Variants in MCMDC2 observed in about 807,000 individuals in gnomAD.
MCMDC2 encodes minichromosome maintenance domain-containing protein 2.
MCMDC2 carries 54 observed loss-of-function variants against 75.8 expected under a neutral mutation model. The observed-to-expected ratio is 0.71, with a 90% CI of 0.57 to 0.89. The LOEUF is 0.89. Ranked by LOEUF, MCMDC2 falls within the 40% of genes least tolerant of loss-of-function variation. The pLI, the probability that MCMDC2 is intolerant of heterozygous loss-of-function variation, is 0.00. For synonymous variants in MCMDC2, 249 were observed against 274.6 expected, an observed-to-expected ratio of 0.91 and a Z score of 0.92; for missense variants, 656 against 780.4, an observed-to-expected ratio of 0.84 and a Z score of 1.90.
In MCMDC2 at chr8:66,874,450, T is replaced by C; in HGVS notation, c.219T>C (p.Phe73=). The C allele has an allele frequency of 6.2e-7, 1 of 1,612,806 alleles. No homozygotes were observed. The highest frequency in any genetic ancestry group is 8.5e-7 in the Non-Finnish European group (1 of 1,179,742). Residue 73 remains phenylalanine (F), a synonymous_variant, in exon 3 of 15, where the codon TTT becomes TTC. Transcript: ENST00000422365. ...LHQPLKAAEV[F]QSVCFIAVKT... is the part of the protein sequence containing the mutation. ...AACCTTTAAAAGCTGCTGAAGTCTT[T>C]CAATCAGTAAGTCAAAAAAAGAAAT... is the stretch of plus-strand genomic sequence containing the variant.
chr8:66,909,118 C>T (rs1268640633), intron 14 of MCMDC2, among the ~76,000 whole-genome samples: 1 of 152,168 alleles, frequency 6.6e-6, no homozygotes, highest in Non-Finnish European at 1.5e-5. Flanking sequence ...TATAAGGGCT[C>T]TTCCCCCTTC....
rs183039743 is a variant in MCMDC2, at chr8:66,901,630, T to C, written c.1769+282T>C. The C allele has an allele frequency of 1.1e-5, 12 of 1,088,734 alleles. No homozygotes were observed. The African/African-American group carries it at 2.0e-4, about 18-fold the overall frequency. 67.4% of individuals were successfully genotyped at this position (1,088,734 alleles called of 1,614,324 possible). A position where few individuals can be genotyped will look rare whatever the true frequency, so the allele number is the denominator to read the frequency against. ...CACTGATTTCAAATGCAAATCCTTG[T>C]TTTTAAAAATGTGGCTGTTGGGCGG... On this transcript the variant is annotated intron_variant, in intron 13 of 14. Coordinates refer to ENST00000422365, the MANE Select transcript of MCMDC2 (RefSeq NM_173518.5).
At chr8:66,892,362 G>A (rs1429079091) in intron 10 of MCMDC2, among the ~76,000 whole-genome samples, 2 of 152,220 alleles carry the variant, frequency 1.3e-5, no homozygotes, top group South Asian at 4.1e-4. Flanking sequence ...CCTGCCAGGA[G>A]AATGTCATGG....
Position 66,874,049 on chromosome 8 carries a change from C to T in MCMDC2, c.-88-4C>T. Reference sequence around the variant, plus strand: ...TTCAAAAATAAAATTAATTTTATTTCTAGGTTTTCACATCCTTTCTATGAG... The same window carrying T: ...TTCAAAAATAAAATTAATTTTATTTTTAGGTTTTCACATCCTTTCTATGAG... On this transcript the variant is annotated splice_region_variant and splice_polypyrimidine_tract_variant and intron_variant, in intron 1 of 14. Transcript: ENST00000422365. The T allele has an allele frequency of 1.3e-6, 1 of 790,002 alleles. No individual in the cohort carries two copies. Among genetic ancestry groups the T allele is most frequent in the Non-Finnish European group, 1.9e-6 (1 of 523,474 alleles). The allele number at this position is 790,002 out of a possible 1,614,324, so 48.9% of individuals were successfully genotyped here.
chr8:66,880,875 G>A lies in MCMDC2; in HGVS notation c.736G>A (p.Gly246Arg). ...RDESVNKMNI[G>R]NEYKIIGIPT... ...TGAATCAGTGAATAAAATGAATATA[G>A]GAAATGAATATAAAATTATTGGAAT... The change falls in exon 8 of 15, where the codon GGA becomes AGA. Residue 246 changes from glycine to arginine, a missense_variant. Physicochemically the swap from Gly to Arg is moderately radical, Grantham distance 125. Transcript: ENST00000422365. The A allele has an allele frequency of 1.3e-6, 2 of 1,557,484 alleles. No homozygotes were observed. The highest frequency in any genetic ancestry group is 2.5e-5 in the South Asian group (2 of 79,806).
intron 4 of MCMDC2, among the ~76,000 whole-genome samples, chr8:66,875,799 T>C (rs1811255258): frequency 6.6e-6 from 1 of 152,166 alleles, no homozygotes; most frequent in Admixed American, 6.5e-5. Flanking sequence ...CCATTTCCTC[T>C]CCCTCCCTTT....
intron 12 of MCMDC2, among the ~76,000 whole-genome samples, chr8:66,900,364 A>G (rs1812597151): frequency 6.6e-6 from 1 of 151,946 alleles, no homozygotes; most frequent in Non-Finnish European, 1.5e-5. Context: ...CTTGAACCCC[A>G]GAGGCTGAGG....
At chr8:66,875,073 A>G (rs997613373) in intron 4 of MCMDC2, among the ~76,000 whole-genome samples, 29 of 152,010 alleles carry the variant, frequency 1.9e-4, no homozygotes. Flanking sequence ...CACTTTTATA[A>G]TAAAACTTTT....
chr8:66,871,096 C>G (rs1810993798), intron 1 of MCMDC2, among the ~76,000 whole-genome samples: 4 of 152,202 alleles, frequency 2.6e-5, no homozygotes, highest in Admixed American at 2.6e-4. Flanking sequence ...TGTTCCCTCA[C>G]TTAACGCTTT....
intron 9 of MCMDC2, among the ~76,000 whole-genome samples, chr8:66,889,523 C>T (rs1811999459): frequency 6.6e-6 from 1 of 152,096 alleles, no homozygotes; most frequent in Admixed American, 6.6e-5. Flanking sequence ...TGGCTGGACA[C>T]AGTGGCTCAA....
intron 5 of MCMDC2, 124 bp from the exon 6 acceptor site, chr8:66,878,450 C>G: frequency 1.1e-6 from 1 of 885,694 alleles, no homozygotes; most frequent in East Asian, 3.1e-5. Context: ...TAGCTACAAT[C>G]TGTGTCAGTA....
In MCMDC2 at chr8:66,901,394, T is replaced by G. The variant is rs374700771; in HGVS notation, c.1769+46T>G. 42 of 1,576,158 alleles carry G rather than the reference T, an allele frequency of 2.7e-5. No individual in the cohort carries two copies. The African/African-American group carries it at 4.9e-4, about 18-fold the overall frequency. On this transcript the variant is annotated intron_variant, in intron 13 of 14. Coordinates refer to ENST00000422365, the MANE Select transcript of MCMDC2 (RefSeq NM_173518.5). ...TTTAAAATCAGCATTGAGTTTCAAA[T>G]GATATGTTTAATTAAATTGCTAATT...
At chr8:66,899,494 G>A (rs1812529486) in intron 12 of MCMDC2, among the ~76,000 whole-genome samples, 1 of 152,096 alleles carries the variant, frequency 6.6e-6, no homozygotes, top group Non-Finnish European at 1.5e-5. Context: ...TCTAGGACAT[G>A]TCTCTATGCT....
chr8:66,882,597 C>T (rs182250669), intron 8 of MCMDC2, among the ~76,000 whole-genome samples: 207 of 152,240 alleles, frequency 1.4e-3, no homozygotes, highest in Non-Finnish European at 2.6e-3. Flanking sequence ...AACTCCTGAC[C>T]TCATGATCCG....
In MCMDC2 at chr8:66,897,013, T is replaced by G. The variant is rs940246756; in HGVS notation, c.1626+54T>G. Reference sequence around the variant, plus strand: ...ATGCCTGTGCTAATGTTTCTCAAATTATATAGAAGTCCTTTTGAGTGCTGG... The same window carrying G: ...ATGCCTGTGCTAATGTTTCTCAAATGATATAGAAGTCCTTTTGAGTGCTGG... On this transcript the variant is annotated intron_variant, in intron 12 of 14. Coordinates refer to ENST00000422365, the MANE Select transcript of MCMDC2 (RefSeq NM_173518.5). The G allele has an allele frequency of 5.1e-5, 75 of 1,466,976 alleles. No homozygotes were observed. The African/African-American group carries it at 1.0e-3, about 20-fold the overall frequency. 90.9% of individuals were successfully genotyped at this position (1,466,976 alleles called of 1,614,324 possible).
At chr8:66,898,299 T>A (rs1261957667) in intron 12 of MCMDC2, among the ~76,000 whole-genome samples, 1 of 152,116 alleles carries the variant, frequency 6.6e-6, no homozygotes, top group Non-Finnish European at 1.5e-5. Context: ...ATATATAAAC[T>A]TTCTCTTTAG....
chr8:66,874,380 A>C lies in MCMDC2; in HGVS notation c.149A>C (p.Asp50Ala), dbSNP rs1388483906. 3.1e-6 allele frequency: 5 copies of C among 1,613,758 alleles called. No homozygotes were observed. The highest frequency in any genetic ancestry group is 3.4e-6 in the Non-Finnish European group (4 of 1,179,858). ...TTCAAAATTTTAATAAATCCCTCTGATGTTGTTGAATTAGATGCTGAGCTT... is the reference window on the plus strand; with the variant it reads ...TTCAAAATTTTAATAAATCCCTCTGCTGTTGTTGAATTAGATGCTGAGCTT... Reference protein sequence around the residue: ...YRFKILINPSDVVELDAELGN... With the variant: ...YRFKILINPSAVVELDAELGN... The change falls in exon 3 of 15, where the codon GAT becomes GCT. Residue 50 changes from aspartate (D) to alanine (A), a missense_variant. Asp to Ala is a moderately radical substitution (Grantham distance 126). Coordinates refer to ENST00000422365, the MANE Select transcript of MCMDC2 (RefSeq NM_173518.5).
intron 9 of MCMDC2, among the ~76,000 whole-genome samples, chr8:66,888,369 A>C (rs1277144888): frequency 6.6e-6 from 1 of 152,216 alleles, no homozygotes; most frequent in Admixed American, 6.5e-5. Flanking sequence ...GATGTGGGTT[A>C]CTGAGCCCAG....
Position 66,874,306 on chromosome 8 carries a change from A to G in MCMDC2, c.95-20A>G. ...CCTACACATAGCTATCCTGACTTTT[A>G]CATTTGTATATTTTCATAGATTCAA... On this transcript the variant is annotated intron_variant, in intron 2 of 14. Transcript: ENST00000422365. The G allele has an allele frequency of 6.2e-7, 1 of 1,606,592 alleles. No individual in the cohort carries two copies. Among genetic ancestry groups the G allele is most frequent in the Non-Finnish European group, 8.5e-7 (1 of 1,177,854 alleles).
Sources: allele counts gnomAD v4.1 joint callset (sites outside exome capture counted in the v4.1 genomes callset), GRCh38; gene constraint gnomAD v4.1.1; transcripts MANE v1.5; gene names NCBI Gene and HGNC (gene_info 2026-07-23, HGNC 2026-07-21).